RGS7BP: variants seen among roughly 807,000 people sequenced by gnomAD.
The protein encoded by RGS7BP is regulator of G protein signaling 7-binding protein.
A neutral mutation model predicts 31.3 loss-of-function variants in RGS7BP; 9 were observed. The ratio of observed to expected loss-of-function variants is 0.29; its 90% CI spans 0.17 to 0.50. RGS7BP has a LOEUF of 0.50. Among genes scored for constraint, RGS7BP ranks in the 20% least tolerant of loss-of-function variants. The probability of loss-of-function intolerance (pLI) is 0.98; values close to 1 mark genes in which losing one functional copy is unlikely to be tolerated. For missense variants in RGS7BP, 274 were observed against 322.0 expected, an observed-to-expected ratio of 0.85 and a Z score of 1.14; for synonymous variants, 115 against 120.1, an observed-to-expected ratio of 0.96 and a Z score of 0.28.
Position 64,525,989 on chromosome 5 carries a change from G to C in RGS7BP, c.332+18112G>C, listed in dbSNP as rs1304723624. On this transcript the variant is annotated intron_variant, in intron 2 of 5. Coordinates refer to ENST00000334025, the MANE Select transcript of RGS7BP (RefSeq NM_001029875.3). ...GGAGAAGGGAATCTAGCACTTTGCT[G>C]TAGTTTCTAATGTTACTGAACACCA... Among the ~76,000 whole-genome samples, 3 of 152,198 alleles carry C rather than the reference G, an allele frequency of 2.0e-5. No homozygotes were observed. The East Asian group carries it at 5.8e-4, about 29-fold the overall frequency.
In RGS7BP at chr5:64,550,554, C is replaced by T. The variant is rs539014708; in HGVS notation, c.333-25220C>T. The stretch of plus-strand genomic sequence containing the variant: ...TCAGGCCATAATGTAGAATATTTCT[C>T]ACTTTGTAAAACAAATGCATTTTTT... On this transcript the variant is annotated intron_variant, in intron 2 of 5. Coordinates refer to ENST00000334025, the MANE Select transcript of RGS7BP (RefSeq NM_001029875.3). 7.8e-4 allele frequency among the ~76,000 whole-genome samples: 116 copies of T among 149,328 alleles called. No homozygotes were observed. In the Middle Eastern group the frequency reaches 0.01, roughly 13 times the overall value.
intron 5 of RGS7BP, among the ~76,000 whole-genome samples, chr5:64,606,051 G>A (rs936215306): frequency 1.3e-5 from 2 of 149,076 alleles, no homozygotes. Context: ...GAGAGAGAGA[G>A]AGAGAGAGAA....
chr5:64,601,358 T>G, intron 5 of RGS7BP: 1 of 584,888 alleles, frequency 1.7e-6, no homozygotes, highest in African/African-American at 2.0e-5. Flanking sequence ...CCATGTTTAT[T>G]TCAGCATTTA....
At position 64,507,844 on chromosome 5, in the gene RGS7BP, G is replaced by A. The variant is rs756997325; in HGVS notation, c.299G>A (p.Arg100His). ...AGAACCAAAGGCTGTGAAATGGCCC[G>A]TCAGGCACACCAAAAATTGGCTGCC... ...KTRTKGCEMA[R>H]QAHQKLAAIS... Residue 100 changes from arginine to histidine, a missense_variant, in exon 2 of 6, where the codon CGT becomes CAT. Arg to His is a conservative substitution (Grantham distance 29, BLOSUM62 0). Coordinates refer to ENST00000334025, the MANE Select transcript of RGS7BP (RefSeq NM_001029875.3). 5.6e-6 allele frequency: 9 copies of A among 1,613,508 alleles called. No individual in the cohort carries two copies. Among genetic ancestry groups the A allele is most frequent in the Admixed American group, 1.7e-5 (1 of 59,896 alleles).
At chr5:64,573,634 G>A (rs1311190541) in intron 2 of RGS7BP, 1 of 150,550 alleles carries the variant, frequency 6.6e-6, no homozygotes, top group Non-Finnish European at 1.5e-5. Context: ...CCCTAAGCAA[G>A]GATGACATGC....
Position 64,507,927 on chromosome 5 carries a change from C to T in RGS7BP, c.332+50C>T, listed in dbSNP as rs776198848. On this transcript the variant is annotated intron_variant, in intron 2 of 5. Transcript: ENST00000334025. Reference sequence around the variant, plus strand: ...AATCCATATACATGATGCATGGATGCTGACAGAATTTTATGGTAGTCAAGT... The same window carrying T: ...AATCCATATACATGATGCATGGATGTTGACAGAATTTTATGGTAGTCAAGT... 2.1e-6 allele frequency: 3 copies of T among 1,457,934 alleles called. No homozygotes were observed. In the East Asian group the frequency reaches 6.9e-5, roughly 33 times the overall value. The allele number at this position is 1,457,934 out of a possible 1,614,324, so 90.3% of individuals were successfully genotyped here. A position where few individuals can be genotyped will look rare whatever the true frequency, so the allele number is the denominator to read the frequency against.
chr5:64,514,519 C>T (rs1462733557), intron 2 of RGS7BP, among the ~76,000 whole-genome samples: 1 of 152,156 alleles, frequency 6.6e-6, no homozygotes. Context: ...AAGATCGTAA[C>T]TCATGTAAGG....
At chr5:64,581,369 A>G (rs7726199) in intron 3 of RGS7BP, among the ~76,000 whole-genome samples, 49,411 of 152,114 alleles carry the variant, frequency 0.32, 8,463 homozygotes, top group Middle Eastern at 0.47. Flanking sequence ...GTCACTAAAT[A>G]TGAGAGTCTC....
chr5:64,531,329 T>C (rs1211631924), intron 2 of RGS7BP, among the ~76,000 whole-genome samples: 1 of 152,202 alleles, frequency 6.6e-6, no homozygotes, highest in Non-Finnish European at 1.5e-5. Flanking sequence ...CAAGCTATTT[T>C]AAAAAGAATA....
chr5:64,604,957 G>A (rs1190310384), intron 5 of RGS7BP, among the ~76,000 whole-genome samples: 1 of 151,980 alleles, frequency 6.6e-6, no homozygotes, highest in Non-Finnish European at 1.5e-5. Context: ...ATTGCTTGAG[G>A]CCAAGAGTTC....
intron 2 of RGS7BP, among the ~76,000 whole-genome samples, chr5:64,568,966 G>T (rs1742239345): frequency 6.6e-6 from 1 of 152,018 alleles, no homozygotes; most frequent in Admixed American, 6.6e-5. Context: ...ACACGGAGAT[G>T]GTCACCGGAA....
chr5:64,606,552 A>AAGTGT (rs1743371596), intron 5 of RGS7BP, among the ~76,000 whole-genome samples: 1 of 152,092 alleles, frequency 6.6e-6, no homozygotes, highest in Admixed American at 6.6e-5. Context: ...GAGTTTCAGA[A>AAGTGT]AGTGTATTCA....
rs147588929 is a variant in RGS7BP at position 64,551,247 on chromosome 5, T to A, written c.333-24527T>A. Among the ~76,000 whole-genome samples, 294 of 151,076 alleles carry A rather than the reference T, an allele frequency of 1.9e-3. 8 individuals are homozygous for A. In the East Asian group the frequency reaches 0.05, roughly 26 times the overall value. ...TGTGTCTTAAGGATTTTTTTTATTT[T>A]TTTATTTATTTTTTATTTTATTTTT... On this transcript the variant is annotated intron_variant, in intron 2 of 5. Transcript: ENST00000334025.
At chr5:64,516,926 C>T (rs1748991523) in intron 2 of RGS7BP, among the ~76,000 whole-genome samples, 1 of 150,546 alleles carries the variant, frequency 6.6e-6, no homozygotes, top group South Asian at 2.1e-4. Flanking sequence ...CCCAAGTGTG[C>T]ATCTGTATCA....
At chr5:64,569,408 C>A (rs1742253339) in intron 2 of RGS7BP, among the ~76,000 whole-genome samples, 1 of 151,954 alleles carries the variant, frequency 6.6e-6, no homozygotes, top group Non-Finnish European at 1.5e-5. Flanking sequence ...TGTATAGGTG[C>A]CTTGAAAAAT....
chr5:64,548,596 G>A (rs1011382638), intron 2 of RGS7BP, among the ~76,000 whole-genome samples: 2 of 151,888 alleles, frequency 1.3e-5, no homozygotes, highest in East Asian at 1.9e-4. Context: ...TGCAACCTCC[G>A]CCTCCTGGTT....
chr5:64,541,894 C>T (rs1206316535), intron 2 of RGS7BP, among the ~76,000 whole-genome samples: 2 of 151,928 alleles, frequency 1.3e-5, no homozygotes, highest in African/African-American at 2.4e-5. Flanking sequence ...AATTAATTTG[C>T]TTAGAAAGAA....
chr5:64,566,003 C>A (rs564377826), intron 2 of RGS7BP, among the ~76,000 whole-genome samples: 1 of 151,886 alleles, frequency 6.6e-6, no homozygotes, highest in African/African-American at 2.4e-5. Flanking sequence ...GTACAGAATC[C>A]CCAGTGTTGG....
chr5:64,515,099 T>C (rs1291598135), intron 2 of RGS7BP, among the ~76,000 whole-genome samples: 1 of 152,210 alleles, frequency 6.6e-6, no homozygotes, highest in Non-Finnish European at 1.5e-5. Flanking sequence ...TCATTCATCT[T>C]TGCACCCTGA....
Sources: gnomAD v4.1 joint callset for allele counts (sites outside exome capture counted in the v4.1 genomes callset) on GRCh38, gnomAD v4.1.1 for gene constraint, MANE v1.5 for transcripts, NCBI Gene and HGNC (gene_info 2026-07-23, HGNC 2026-07-21) for gene names.